The following AGPAT3 variants were observed in gnomAD, a reference collection of about 807,000 sequenced individuals.
AGPAT3 encodes the protein 1-acylglycerol-3-phosphate O-acyltransferase 3, also known as 1-acyl-sn-glycerol-3-phosphate acyltransferase gamma.
In AGPAT3, 5 loss-of-function variants were observed where a neutral mutation model predicts 47.3. The observed-to-expected ratio is 0.11, with a 90% confidence interval of 0.06 to 0.22. The LOEUF (loss-of-function observed/expected upper bound fraction) is 0.22, where lower values mean the gene tolerates loss of function less well. Ranked by LOEUF, AGPAT3 falls within the 10% of genes least tolerant of loss-of-function variation. The pLI is 1.00. For synonymous variants in AGPAT3, 212 were observed against 208.3 expected (o/e 1.02, Z -0.15); for missense variants, 315 against 493.0 (o/e 0.64, Z 3.42).
intron 2 of AGPAT3, among the ~76,000 whole-genome samples, chr21:43,918,203 G>T (rs867569541): frequency 1.8e-3 from 250 of 139,796 alleles, no homozygotes; most frequent in Non-Finnish European, 2.6e-3. Flanking sequence ...GGGTTGTGGA[G>T]GTTGTGGGTG....
Position 43,961,747 on chromosome 21 carries a change from C to CG in AGPAT3, c.178+1889dup, listed in dbSNP as rs1601433205. Among the ~76,000 whole-genome samples the CG allele has an allele frequency of 3.3e-5, 5 of 151,944 alleles. No homozygotes were observed. In the East Asian group the frequency reaches 9.7e-4, roughly 29 times the overall value. ...TGTCTCATATGGAAAACGGTGAGCGCGTATACACTTTGTCTCATGTAGGAA... is the reference window on the plus strand; with the variant it reads ...TGTCTCATATGGAAAACGGTGAGCGCGGTATACACTTTGTCTCATGTAGGAA... On this transcript the variant is annotated intron_variant, in intron 3 of 9. Coordinates refer to ENST00000291572, the MANE Select transcript of AGPAT3 (RefSeq NM_020132.5).
At position 43,985,529 on chromosome 21, in the gene AGPAT3, A is replaced by T. The variant is rs187634826; in HGVS notation, c.*3137A>T. On this transcript the variant is annotated 3_prime_UTR_variant, in exon 10 of 10. Coordinates refer to ENST00000291572, the MANE Select transcript of AGPAT3 (RefSeq NM_020132.5). ...TTCGTTGCGGTATTGCTGAGCATTG[A>T]TGTTGATTTGAAGGAAAAGCCGTGG... is the stretch of plus-strand genomic sequence containing the variant. 42 of 273,538 alleles carry T rather than the reference A, an allele frequency of 1.5e-4. 1 individual carries two copies. In the East Asian group the frequency reaches 3.7e-3, roughly 24 times the overall value. 16.9% of individuals were successfully genotyped at this position (273,538 alleles called of 1,614,324 possible).
At position 43,933,834 on chromosome 21, in the gene AGPAT3, G is replaced by A. The variant is rs1601346463; in HGVS notation, c.-48-25800G>A. 6.6e-6 allele frequency among the ~76,000 whole-genome samples: 1 copy of A among 152,142 alleles called. No homozygotes were observed. The highest frequency in any genetic ancestry group is 1.9e-4 in the East Asian group (1 of 5,184). On this transcript the variant is annotated intron_variant, in intron 2 of 9. Coordinates refer to ENST00000291572, the MANE Select transcript of AGPAT3 (RefSeq NM_020132.5). This position sits in a 1 kb window ranked among gnomAD's most constrained non-coding sequence, Gnocchi z 6.0. ...GCCAGAGGACGGCACTCCCGCGCCT[G>A]CCACGAGCCTCACGTGGAGAGTGGA...
intron 1 of AGPAT3, among the ~76,000 whole-genome samples, chr21:43,868,169 G>C (rs1005953103): frequency 1.3e-5 from 2 of 152,220 alleles, no homozygotes; most frequent in African/African-American, 4.8e-5. Flanking sequence ...AGGCGGGAAG[G>C]CCGAGTTGAT....
At chr21:43,875,231 G>A (rs562257163) in intron 1 of AGPAT3, among the ~76,000 whole-genome samples, 32 of 152,122 alleles carry the variant, frequency 2.1e-4, no homozygotes, top group Non-Finnish European at 4.0e-4. Context: ...TGCCCTCCTC[G>A]GCCTCCCTCC....
chr21:43,870,498 G>C (rs2085601500), intron 1 of AGPAT3, among the ~76,000 whole-genome samples: 2 of 151,812 alleles, frequency 1.3e-5, no homozygotes, highest in African/African-American at 2.4e-5. Context: ...GATCACTTGA[G>C]GTCAGGAGTT....
chr21:43,876,465 C>T (rs1188210138), intron 1 of AGPAT3, among the ~76,000 whole-genome samples: 4 of 152,196 alleles, frequency 2.6e-5, no homozygotes, highest in South Asian at 4.1e-4. Context: ...AGAAGCCCTG[C>T]TCCTACCAGG....
intron 1 of AGPAT3, chr21:43,882,647 C>T (rs1056960567): frequency 1.3e-5 from 2 of 152,324 alleles, no homozygotes; most frequent in Non-Finnish European, 2.9e-5. Flanking sequence ...TTTCAGCCCC[C>T]CTCTAAGAAC....
At chr21:43,978,889 A>G (rs1349328692) in intron 8 of AGPAT3, among the ~76,000 whole-genome samples, 1 of 152,220 alleles carries the variant, frequency 6.6e-6, no homozygotes, top group African/African-American at 2.4e-5. Context: ...TTATACGCAC[A>G]AATGCATGGG....
chr21:43,977,819 A>G (rs543134083), intron 7 of AGPAT3, among the ~76,000 whole-genome samples: 3 of 151,972 alleles, frequency 2.0e-5, no homozygotes, highest in Non-Finnish European at 4.4e-5. Flanking sequence ...TCCGGGAGGC[A>G]GAGGTTGCAG....
chr21:43,892,617 C>G (rs934160147), intron 1 of AGPAT3, among the ~76,000 whole-genome samples: 4 of 152,328 alleles, frequency 2.6e-5, no homozygotes, highest in Non-Finnish European at 4.4e-5. Context: ...CTTAAGGGCT[C>G]TAGGATTTTC....
At position 43,936,592 on chromosome 21, in the gene AGPAT3, G is replaced by A. The variant is rs373949546; in HGVS notation, c.-48-23042G>A. On this transcript the variant is annotated intron_variant, in intron 2 of 9. Transcript: ENST00000291572. ...AATGCCTGTGTTGAAAGACCTGCTC[G>A]TGAATGAGCTCTGCCCCTATAATAC... is the stretch of plus-strand genomic sequence containing the variant. 1.3e-4 allele frequency among the ~76,000 whole-genome samples: 20 copies of A among 152,394 alleles called. No homozygotes were observed. The East Asian group carries it at 2.5e-3, about 19-fold the overall frequency.
intron 8 of AGPAT3, among the ~76,000 whole-genome samples, chr21:43,979,737 A>G (rs189632778): frequency 5.8e-4 from 89 of 152,352 alleles, no homozygotes; most frequent in Middle Eastern, 3.4e-3. Flanking sequence ...ACATAGTTCA[A>G]GAAGCACACA....
chr21:43,896,262 C>CT (rs1364450632), intron 1 of AGPAT3, among the ~76,000 whole-genome samples: 6 of 152,152 alleles, frequency 3.9e-5, no homozygotes, highest in African/African-American at 7.2e-5. Flanking sequence ...CTTTTTGTTA[C>CT]TTTTTTTTCC....
chr21:43,971,551 C>T, intron 7 of AGPAT3, 61 bp downstream of exon 7: 1 of 1,538,152 alleles, frequency 6.5e-7, no homozygotes, highest in South Asian at 1.1e-5. Flanking sequence ...TTGCGCTGGG[C>T]AGAGGCCAGG....
intron 2 of AGPAT3, among the ~76,000 whole-genome samples, chr21:43,907,734 A>C (rs377430571): frequency 3.5e-4 from 53 of 152,246 alleles, no homozygotes; most frequent in Admixed American, 7.2e-4. Context: ...ACAACAACAA[A>C]AAAACCGTTC....
intron 2 of AGPAT3, among the ~76,000 whole-genome samples, chr21:43,907,741 G>A (rs368864697): frequency 3.0e-4 from 46 of 152,232 alleles, no homozygotes; most frequent in African/African-American, 9.4e-4. Context: ...CAAAAAAACC[G>A]TTCCATATAA....
Position 43,959,560 on chromosome 21 carries a change from G to A in AGPAT3, c.-48-74G>A, listed in dbSNP as rs534255048. 5 of 1,376,608 alleles carry A rather than the reference G, an allele frequency of 3.6e-6. No homozygotes were observed. In the African/African-American group the frequency reaches 4.2e-5, roughly 12 times the overall value. The allele number at this position is 1,376,608 out of a possible 1,614,324, so 85.3% of individuals were successfully genotyped here. A position where few individuals can be genotyped will look rare whatever the true frequency, so the allele number is the denominator to read the frequency against. ...GTGAGGCATGTGCGGGGTGTGCAGTGAGCAGTGCCCCGGTGTTCCTGTGAG... is the reference window on the plus strand; with the variant it reads ...GTGAGGCATGTGCGGGGTGTGCAGTAAGCAGTGCCCCGGTGTTCCTGTGAG... On this transcript the variant is annotated intron_variant, in intron 2 of 9. Coordinates refer to ENST00000291572, the MANE Select transcript of AGPAT3 (RefSeq NM_020132.5).
Position 43,933,275 on chromosome 21 carries a change from C to T in AGPAT3, c.-48-26359C>T, listed in dbSNP as rs1003241340. Among the ~76,000 whole-genome samples, 1 of 152,144 alleles carries T rather than the reference C, an allele frequency of 6.6e-6. No individual in the cohort carries two copies. The highest frequency in any genetic ancestry group is 2.4e-5 in the African/African-American group (1 of 41,426). ...TTGCTATTGAGTCTGAGCCCCTTTA[C>T]CCTGTGGATGCTGGGCCTGCATCGG... On this transcript the variant is annotated intron_variant, in intron 2 of 9. Transcript: ENST00000291572. This position sits in a 1 kb window ranked among gnomAD's most constrained non-coding sequence, Gnocchi z 6.0.
Sources: gnomAD v4.1 joint callset for allele counts (sites outside exome capture counted in the v4.1 genomes callset) on GRCh38, gnomAD v4.1.1 for gene constraint, Gnocchi (gnomAD v3.1) non-coding constraint, MANE v1.5 for transcripts, NCBI Gene and HGNC (gene_info 2026-07-23, HGNC 2026-07-21) for gene names.